The following TSPEAR variants were observed in gnomAD, a reference collection of about 807,000 sequenced individuals.
The protein encoded by TSPEAR is thrombospondin type laminin G domain and EAR repeats.
In TSPEAR, 69 loss-of-function variants were observed where a neutral mutation model predicts 71.6. The observed-to-expected ratio is 0.96, with a 90% confidence interval of 0.79 to 1.18. The LOEUF is 1.18. TSPEAR is among the 50% of genes most tolerant of loss of function. TSPEAR has a pLI of 0.00. For missense variants in TSPEAR, 971 were observed against 894.9 expected, an observed-to-expected ratio of 1.09 and a Z score of -1.09; for synonymous variants, 402 against 387.2, an observed-to-expected ratio of 1.04 and a Z score of -0.45.
At position 44,600,880 on chromosome 21, in the gene TSPEAR, C is replaced by A. The variant is rs782697889; in HGVS notation, c.83-32875G>T. The A allele has an allele frequency of 1.2e-5, 19 of 1,611,232 alleles. No homozygotes were observed. In the South Asian group the frequency reaches 2.0e-4, roughly 17 times the overall value. ...ATCAGGCTGCACCAGCTCCTGCACGCCCTCGTGCTGCCAGCAGTCTAGCTG... is the reference window on the plus strand; with the variant it reads ...ATCAGGCTGCACCAGCTCCTGCACGACCTCGTGCTGCCAGCAGTCTAGCTG... On this transcript the variant is annotated intron_variant, in intron 1 of 11. Transcript: ENST00000323084.
chr21:44,581,500 TGAGGTTGGTCATTTG>T, intron 1 of TSPEAR, among the ~76,000 whole-genome samples: 1 of 152,340 alleles, frequency 6.6e-6, no homozygotes, highest in South Asian at 2.1e-4. Flanking sequence ...GATGAGAGAC[TGAGGTTGGTCATTTG>T]TCATTTTTTA....
At chr21:44,658,198 G>T in intron 1 of TSPEAR, 2 of 1,613,912 alleles carry the variant, frequency 1.2e-6, no homozygotes, top group Non-Finnish European at 8.5e-7. Flanking sequence ...GCCAATCTTC[G>T]GGGTGCTGCC....
chr21:44,539,145 G>A (rs2053151051), intron 2 of TSPEAR: 2 of 1,301,800 alleles, frequency 1.5e-6, no homozygotes, highest in African/African-American at 1.5e-5. Flanking sequence ...AAGGATGGAG[G>A]CTCCTGGGAG....
intron 1 of TSPEAR, among the ~76,000 whole-genome samples, chr21:44,696,241 G>T (rs976150359): frequency 1.3e-5 from 2 of 152,054 alleles, no homozygotes; most frequent in Non-Finnish European, 2.9e-5. Flanking sequence ...ATCCCACACC[G>T]CCATGTCTAA....
Position 44,687,525 on chromosome 21 carries a change from G to T in TSPEAR, c.82+23908C>A, listed in dbSNP as rs993652847. Reference sequence around the variant, plus strand: ...AACACCGCGCGGGGTGGGAGAGGCCGGCACCAGAGGACTTGCTGTATGACT... The same window carrying T: ...AACACCGCGCGGGGTGGGAGAGGCCTGCACCAGAGGACTTGCTGTATGACT... On this transcript the variant is annotated intron_variant, in intron 1 of 11. Transcript: ENST00000323084. This position sits in a 1 kb window ranked among gnomAD's most constrained non-coding sequence, Gnocchi z 4.4. Among the ~76,000 whole-genome samples, 2 of 152,172 alleles carry T rather than the reference G, an allele frequency of 1.3e-5. No homozygotes were observed. Among genetic ancestry groups the T allele is most frequent in the East Asian group, 3.9e-4 (2 of 5,194 alleles).
At chr21:44,657,427 T>A (rs1373435637) in intron 1 of TSPEAR, among the ~76,000 whole-genome samples, 1 of 152,254 alleles carries the variant, frequency 6.6e-6, no homozygotes, top group East Asian at 1.9e-4. Flanking sequence ...TATTCAGTTG[T>A]GCCACTATAG....
chr21:44,537,418 G>A (rs1157294728), intron 2 of TSPEAR, among the ~76,000 whole-genome samples: 2 of 152,206 alleles, frequency 1.3e-5, no homozygotes, highest in Admixed American at 1.3e-4. Flanking sequence ...TTATGAAGCT[G>A]AATAACATGG....
chr21:44,699,149 A>G (rs1386665301), intron 1 of TSPEAR, among the ~76,000 whole-genome samples: 2 of 152,150 alleles, frequency 1.3e-5, no homozygotes, highest in Non-Finnish European at 2.9e-5. Flanking sequence ...GTGAGCTGAG[A>G]TTGTACCACT....
At chr21:44,502,537 A>C (rs782393183) in intron 11 of TSPEAR, among the ~76,000 whole-genome samples, 1 of 152,230 alleles carries the variant, frequency 6.6e-6, no homozygotes, top group African/African-American at 2.4e-5. Flanking sequence ...CTGGAAATAA[A>C]TGAGAACACC....
intron 11 of TSPEAR, among the ~76,000 whole-genome samples, chr21:44,500,534 TTAAA>T (rs1213891997): frequency 6.6e-6 from 1 of 152,230 alleles, no homozygotes; most frequent in Non-Finnish European, 1.5e-5. Context: ...ACATTTAATA[TTAAA>T]TAATAAAGTA....
In TSPEAR at chr21:44,658,065, G is replaced by C. The variant is rs1555942904; in HGVS notation, c.82+53368C>G. On this transcript the variant is annotated intron_variant, in intron 1 of 11. Coordinates refer to ENST00000323084, the MANE Select transcript of TSPEAR (RefSeq NM_144991.3). Reference sequence around the variant, plus strand: ...CAGGCATCCTGCTATGTGCCCGTGAGCTGCCAGTCCTCCGTGTGCATGCCC... The same window carrying C: ...CAGGCATCCTGCTATGTGCCCGTGACCTGCCAGTCCTCCGTGTGCATGCCC... The C allele has an allele frequency of 6.2e-7, 1 of 1,611,764 alleles. No homozygotes were observed. The highest frequency in any genetic ancestry group is 2.2e-5 in the East Asian group (1 of 44,874).
At chr21:44,601,268 C>T (rs587759229) in intron 1 of TSPEAR, 151 of 1,604,390 alleles carry the variant, frequency 9.4e-5, no homozygotes, top group South Asian at 7.8e-4. Context: ...AGCTGCAAGC[C>T]GGCTTGCTGC....
intron 1 of TSPEAR, among the ~76,000 whole-genome samples, chr21:44,617,091 C>G (rs1555932608): frequency 6.6e-6 from 1 of 152,194 alleles, no homozygotes; most frequent in African/African-American, 2.4e-5. Context: ...TCACCTCACT[C>G]ACCCACTCAT....
At chr21:44,662,157 A>ATTAAT (rs1985530326) in intron 1 of TSPEAR, among the ~76,000 whole-genome samples, 1 of 152,218 alleles carries the variant, frequency 6.6e-6, no homozygotes, top group Non-Finnish European at 1.5e-5. Flanking sequence ...ATTAAATTAA[A>ATTAAT]TGCAAATCAT....
Position 44,581,044 on chromosome 21 carries a change from T to C in TSPEAR, c.83-13039A>G, listed in dbSNP as rs114274080. Among the ~76,000 whole-genome samples, 470 of 152,302 alleles carry C rather than the reference T, an allele frequency of 3.1e-3. 2 individuals are homozygous for C. Among genetic ancestry groups the C allele is most frequent in the African/African-American group, 0.011 (439 of 41,554 alleles). The stretch of plus-strand genomic sequence containing the variant: ...ATATAAATAGGTAGAAAAATATGCA[T>C]TTCTTATAAAATGCAGCTGGCACAG... On this transcript the variant is annotated intron_variant, in intron 1 of 11. Coordinates refer to ENST00000323084, the MANE Select transcript of TSPEAR (RefSeq NM_144991.3).
chr21:44,569,849 G>T (rs1314170235), intron 1 of TSPEAR, among the ~76,000 whole-genome samples: 1 of 152,134 alleles, frequency 6.6e-6, no homozygotes, highest in Non-Finnish European at 1.5e-5. Context: ...GAGGATTCTG[G>T]CATCTTGGTG....
chr21:44,656,954 C>G (rs1177849117), intron 1 of TSPEAR, among the ~76,000 whole-genome samples: 1 of 152,144 alleles, frequency 6.6e-6, no homozygotes, highest in Non-Finnish European at 1.5e-5. Context: ...CCAGACCCCC[C>G]CAGCATGGGA....
chr21:44,643,714 T>A (rs1984146400), intron 1 of TSPEAR, among the ~76,000 whole-genome samples: 2 of 152,084 alleles, frequency 1.3e-5, no homozygotes, highest in East Asian at 3.9e-4. Context: ...TTCACACACA[T>A]ACACACACAC....
At chr21:44,627,906 G>T (rs1555934883) in intron 1 of TSPEAR, 1 of 1,520,524 alleles carries the variant, frequency 6.6e-7, no homozygotes, top group African/African-American at 1.4e-5. Context: ...CCTGCTGCGT[G>T]CCCGTCTCCT....
Sources: gnomAD v4.1 joint callset for allele counts (sites outside exome capture counted in the v4.1 genomes callset) on GRCh38, gnomAD v4.1.1 for gene constraint, Gnocchi (gnomAD v3.1) non-coding constraint, MANE v1.5 for transcripts, NCBI Gene and HGNC (gene_info 2026-07-23, HGNC 2026-07-21) for gene names.